Variants in CSGALNACT1 observed in about 807,000 individuals in gnomAD.
CSGALNACT1 encodes the protein beta4GalNAcT-1.
CSGALNACT1 carries 52 observed loss-of-function variants against 51.0 expected under a neutral mutation model. That is an observed-to-expected ratio of 1.02 (90% CI 0.82 to 1.29). The LOEUF is 1.29. Ranked by LOEUF, CSGALNACT1 falls within the 50% of genes most tolerant of loss-of-function variation. The pLI is 0.00. For missense variants in CSGALNACT1, 935 were observed against 679.2 expected (o/e 1.38, Z -4.19); for synonymous variants, 341 against 254.4 (o/e 1.34, Z -3.24).
intron 3 of CSGALNACT1, among the ~76,000 whole-genome samples, chr8:19,530,714 G>C (rs573541425): frequency 6.6e-6 from 1 of 152,246 alleles, no homozygotes; most frequent in Admixed American, 6.5e-5. Flanking sequence ...CTGGACAACA[G>C]AGCAAGACCT....
intron 5 of CSGALNACT1, among the ~76,000 whole-genome samples, chr8:19,443,891 G>A (rs2061714397): frequency 6.6e-6 from 1 of 152,160 alleles, no homozygotes; most frequent in Non-Finnish European, 1.5e-5. Context: ...GGGTGGGGGT[G>A]GAGGTGGGCT....
chr8:19,669,939 A>C (rs1451212327), intron 1 of CSGALNACT1, among the ~76,000 whole-genome samples: 1 of 152,180 alleles, frequency 6.6e-6, no homozygotes, highest in Admixed American at 6.5e-5. Flanking sequence ...TCCTGTGGAC[A>C]AACAACTCAC....
chr8:19,486,757 C>T (rs1357598212), intron 4 of CSGALNACT1, among the ~76,000 whole-genome samples: 1 of 152,138 alleles, frequency 6.6e-6, no homozygotes, highest in African/African-American at 2.4e-5. Flanking sequence ...TAAAGGGAAT[C>T]CCCTTTACTC....
chr8:19,406,055 C>T lies in CSGALNACT1; in HGVS notation c.1324G>A (p.Asp442Asn). The T allele has an allele frequency of 3.7e-6, 6 of 1,614,144 alleles. No homozygotes were observed. The highest frequency in any genetic ancestry group is 5.1e-6 in the Non-Finnish European group (6 of 1,180,020). Reference sequence around the variant, plus strand: ...TCCTCTCCGCCCCAGCCTTTGATGTCCAGATCAAACCCACCTGTCGGGACA... The same window carrying T: ...TCCTCTCCGCCCCAGCCTTTGATGTTCAGATCAAACCCACCTGTCGGGACA... Residue 442 changes from aspartate (D) to asparagine (N), a missense_variant, in exon 10 of 10, where the codon GAC (aspartate) becomes AAC (asparagine). Coordinates refer to ENST00000454498, the Ensembl canonical transcript of CSGALNACT1.
At chr8:19,424,477 G>A (rs1410256942) in intron 6 of CSGALNACT1, among the ~76,000 whole-genome samples, 1 of 152,016 alleles carries the variant, frequency 6.6e-6, no homozygotes. Context: ...TGCCAAAAAA[G>A]AGGACTGAAC....
chr8:19,641,168 T>C lies in CSGALNACT1; in HGVS notation c.-543-39303A>G, dbSNP rs1589217589. Reference sequence around the variant, plus strand: ...TTTTTTTTTTTTTAAACCAACCCTCTCTCTCCCCTTCACTTCTCCTCCCAA... The same window carrying C: ...TTTTTTTTTTTTTAAACCAACCCTCCCTCTCCCCTTCACTTCTCCTCCCAA... On this transcript the variant is annotated intron_variant, in intron 1 of 9. Transcript: ENST00000332246. Among the ~76,000 whole-genome samples the C allele has an allele frequency of 1.5e-5, 2 of 130,140 alleles. 1 individual carries two copies. The highest frequency in any genetic ancestry group is 1.7e-4 in the Admixed American group (2 of 11,510). The allele number at this position is 130,140 out of a possible 152,430, so 85.4% of individuals were successfully genotyped here.
intron 1 of CSGALNACT1, among the ~76,000 whole-genome samples, chr8:19,720,633 C>T (rs1253688632): frequency 6.6e-6 from 1 of 152,084 alleles, no homozygotes; most frequent in Non-Finnish European, 1.5e-5. Context: ...CTGTGCCAGG[C>T]GTGGCATGGG....
intron 3 of CSGALNACT1, among the ~76,000 whole-genome samples, chr8:19,545,053 C>T (rs986843911): frequency 3.3e-5 from 5 of 151,824 alleles, no homozygotes; most frequent in Non-Finnish European, 5.9e-5. Flanking sequence ...TAAATCACGA[C>T]GACACAGCGA....
chr8:19,497,122 T>C (rs2075630998), intron 4 of CSGALNACT1, among the ~76,000 whole-genome samples: 1 of 152,174 alleles, frequency 6.6e-6, no homozygotes, highest in Non-Finnish European at 1.5e-5. Context: ...TAAGACCCAG[T>C]GACGTGGTAC....
intron 6 of CSGALNACT1, among the ~76,000 whole-genome samples, chr8:19,428,314 G>C (rs1302967053): frequency 2.0e-5 from 3 of 152,144 alleles, no homozygotes; most frequent in Admixed American, 2.0e-4. Context: ...AGTTCCATGT[G>C]GCTGGGGAGG....
intron 3 of CSGALNACT1, among the ~76,000 whole-genome samples, chr8:19,515,610 A>G (rs1363282314): frequency 6.6e-6 from 1 of 152,262 alleles, no homozygotes; most frequent in Non-Finnish European, 1.5e-5. Flanking sequence ...TTGAAGCAGA[A>G]AAAGGGAAAT....
intron 4 of CSGALNACT1, among the ~76,000 whole-genome samples, chr8:19,481,136 C>T (rs75169325): frequency 2.6e-5 from 4 of 152,130 alleles, no homozygotes; most frequent in Admixed American, 6.5e-5. Flanking sequence ...TTCTTATGTG[C>T]GGCTAATAAA....
chr8:19,654,282 A>T (rs2058074502), intron 1 of CSGALNACT1, among the ~76,000 whole-genome samples: 1 of 152,226 alleles, frequency 6.6e-6, no homozygotes, highest in Non-Finnish European at 1.5e-5. Context: ...TCCAGTTAGC[A>T]TGGTAACAAG....
intron 6 of CSGALNACT1, among the ~76,000 whole-genome samples, chr8:19,431,646 T>C (rs897416615): frequency 3.9e-5 from 6 of 152,094 alleles, no homozygotes; most frequent in African/African-American, 1.4e-4. Flanking sequence ...TGTCTTTGTC[T>C]GGTTAGGTTA....
rs2050513112 is a variant in CSGALNACT1, at chr8:19,601,919, G to A, written c.-510-54C>T. On this transcript the variant is annotated intron_variant, in intron 1 of 9. Transcript: ENST00000454498. ...CCTTGTAAATTTCCATGTCTTAAAT[G>A]TATGTGGTATTACAAAATGGGAACA... is the stretch of plus-strand genomic sequence containing the variant. 1.3e-5 allele frequency: 6 copies of A among 452,136 alleles called. No homozygotes were observed. In the Admixed American group the frequency reaches 1.4e-4, roughly 11 times the overall value. The allele number at this position is 452,136 out of a possible 1,614,324, so 28.0% of individuals were successfully genotyped here. A position where few individuals can be genotyped will look rare whatever the true frequency, so the allele number is the denominator to read the frequency against.
rs545236681 is a variant in CSGALNACT1, at chr8:19,559,337, T to A, written c.-297+31823A>T. ...AGAAGAGAAGGTCACTTCTTTCCCA[T>A]TAGATTATCTACCATACAAAAATAC... On this transcript the variant is annotated intron_variant, in intron 3 of 9. Coordinates refer to ENST00000454498, the Ensembl canonical transcript of CSGALNACT1. 4.6e-5 allele frequency among the ~76,000 whole-genome samples: 7 copies of A among 152,322 alleles called. No individual in the cohort carries two copies. The East Asian group carries it at 1.3e-3, about 29-fold the overall frequency.
chr8:19,754,615 T>C (rs987901449), intron 1 of CSGALNACT1, among the ~76,000 whole-genome samples: 4 of 152,234 alleles, frequency 2.6e-5, no homozygotes, highest in African/African-American at 7.2e-5. Flanking sequence ...TCTAAAATTA[T>C]TAAAAACAGT....
Position 19,645,470 on chromosome 8 carries a change from G to A in CSGALNACT1, c.-544+37003C>T, listed in dbSNP as rs1025907930. Among the ~76,000 whole-genome samples, 2 of 152,208 alleles carry A rather than the reference G, an allele frequency of 1.3e-5. 1 individual carries two copies. The highest frequency in any genetic ancestry group is 2.9e-5 in the Non-Finnish European group (2 of 68,040). ...CACAGACAGGAGGTAGAATCCCAGT[G>A]CAGCCACTTACAAGCTGTGTGCTCC... On this transcript the variant is annotated intron_variant, in intron 1 of 9. Transcript: ENST00000332246.
At chr8:19,659,483 G>A (rs988890339) in intron 1 of CSGALNACT1, among the ~76,000 whole-genome samples, 21 of 152,100 alleles carry the variant, frequency 1.4e-4, no homozygotes, top group African/African-American at 4.6e-4. Flanking sequence ...GTTTCCGACA[G>A]AACTGACTAT....
Sources: gnomAD v4.1 joint callset for allele counts (sites outside exome capture counted in the v4.1 genomes callset) on GRCh38, gnomAD v4.1.1 for gene constraint, MANE v1.5 for transcripts, NCBI Gene and HGNC (gene_info 2026-07-23, HGNC 2026-07-21) for gene names.